FSHR: variants seen among roughly 807,000 people sequenced by gnomAD.
FSHR encodes the protein follicle stimulating hormone receptor, also known as follicle-stimulating hormone receptor.
A neutral mutation model predicts 52.1 loss-of-function variants in FSHR; 46 were observed. The observed-to-expected ratio is 0.88, with a 90% CI of 0.70 to 1.13. FSHR has a LOEUF of 1.13. Ranked by LOEUF, FSHR falls within the 50% of genes most tolerant of loss-of-function variation. The pLI is 0.00. For synonymous variants in FSHR, 399 were observed against 309.6 expected, an observed-to-expected ratio of 1.29 and a Z score of -3.03; for missense variants, 964 against 834.6, an observed-to-expected ratio of 1.16 and a Z score of -1.91.
chr2:49,046,903 T>C (rs1415370364), intron 2 of FSHR, among the ~76,000 whole-genome samples: 1 of 152,180 alleles, frequency 6.6e-6, no homozygotes, highest in East Asian at 1.9e-4. Context: ...CTCCACAAGC[T>C]TCATCCCACA....
At chr2:49,093,772 T>A (rs189647558) in intron 1 of FSHR, among the ~76,000 whole-genome samples, 303 of 152,072 alleles carry the variant, frequency 2.0e-3, no homozygotes, top group Middle Eastern at 6.8e-3. Context: ...TTTTTAAATA[T>A]TTTTAGTAGA....
At chr2:49,078,825 T>C (rs1670052922) in intron 1 of FSHR, among the ~76,000 whole-genome samples, 1 of 152,142 alleles carries the variant, frequency 6.6e-6, no homozygotes, top group East Asian at 1.9e-4. Context: ...ATGATGCTGT[T>C]ACCTCCTCTA....
intron 3 of FSHR, among the ~76,000 whole-genome samples, chr2:49,019,387 C>T (rs1001850616): frequency 7.9e-5 from 12 of 152,122 alleles, no homozygotes; most frequent in Non-Finnish European, 1.8e-4. Flanking sequence ...CTGGCTTTGA[C>T]ATTCTATGAT....
At chr2:49,052,316 C>A (rs891114265) in intron 2 of FSHR, among the ~76,000 whole-genome samples, 1 of 152,112 alleles carries the variant, frequency 6.6e-6, no homozygotes, top group African/African-American at 2.4e-5. Context: ...TCCTGCCAAC[C>A]TCCTCTTTGT....
At chr2:49,053,594 A>G (rs1459549067) in intron 2 of FSHR, among the ~76,000 whole-genome samples, 1 of 152,192 alleles carries the variant, frequency 6.6e-6, no homozygotes, top group Non-Finnish European at 1.5e-5. Context: ...AGCAATGAAG[A>G]ATAGGGAGGT....
At chr2:49,017,694 C>A (rs1256252893) in intron 3 of FSHR, 131 bp from the exon 4 acceptor site, 3 of 721,162 alleles carry the variant, frequency 4.2e-6, no homozygotes, top group Non-Finnish European at 7.5e-6. Flanking sequence ...ATCCATCCAT[C>A]CATCCATCCA....
At chr2:49,085,065 T>C (rs1209525111) in intron 1 of FSHR, among the ~76,000 whole-genome samples, 2 of 152,126 alleles carry the variant, frequency 1.3e-5, no homozygotes, top group Non-Finnish European at 2.9e-5. Context: ...TAGACCAATA[T>C]CTTTGATGAA....
intron 1 of FSHR, among the ~76,000 whole-genome samples, chr2:49,139,149 C>G (rs919755953): frequency 3.9e-5 from 6 of 152,256 alleles, no homozygotes; most frequent in East Asian, 1.9e-4. Context: ...GCAATGTTTT[C>G]TAATTTGAAG....
At chr2:49,132,671 C>T (rs548112488) in intron 1 of FSHR, among the ~76,000 whole-genome samples, 1 of 152,062 alleles carries the variant, frequency 6.6e-6, no homozygotes, top group Non-Finnish European at 1.5e-5. Flanking sequence ...GCTTGCCCAA[C>T]TGTTCTCTTT....
intron 2 of FSHR, 45 bp downstream of exon 2, chr2:49,068,174 A>T: frequency 1.3e-6 from 2 of 1,486,370 alleles, no homozygotes; most frequent in Non-Finnish European, 1.9e-6. Context: ...GTTGCTCCCT[A>T]TAGCCCCCTT....
chr2:49,121,737 C>T (rs76771242), intron 1 of FSHR, among the ~76,000 whole-genome samples: 1,768 of 152,242 alleles, frequency 0.012, 34 homozygotes, highest in African/African-American at 0.036. Flanking sequence ...GAGTTTGTCA[C>T]CCAAAAACTG....
At chr2:49,112,357 A>G (rs1430123761) in intron 1 of FSHR, among the ~76,000 whole-genome samples, 1 of 152,196 alleles carries the variant, frequency 6.6e-6, no homozygotes, top group South Asian at 2.1e-4. Context: ...AATATTTATG[A>G]TGAAACAATA....
intron 1 of FSHR, among the ~76,000 whole-genome samples, chr2:49,138,042 A>G (rs901343758): frequency 2.0e-5 from 3 of 152,202 alleles, no homozygotes; most frequent in Non-Finnish European, 4.4e-5. Context: ...TTTGTAAATT[A>G]TACATGTGAT....
At chr2:48,977,652 C>T (rs566282880) in intron 8 of FSHR, among the ~76,000 whole-genome samples, 2 of 152,268 alleles carry the variant, frequency 1.3e-5, no homozygotes, top group South Asian at 2.1e-4. Context: ...CTGCAGTGCT[C>T]ATTGTACTGG....
chr2:49,078,989 T>TAC (rs573082606), intron 1 of FSHR, among the ~76,000 whole-genome samples: 5 of 152,020 alleles, frequency 3.3e-5, no homozygotes, highest in Admixed American at 6.6e-5. Flanking sequence ...CATCATTGTT[T>TAC]ACACACACAC....
chr2:49,082,019 AG>A (rs1251459664), intron 1 of FSHR, among the ~76,000 whole-genome samples: 1 of 152,198 alleles, frequency 6.6e-6, no homozygotes, highest in Non-Finnish European at 1.5e-5. Flanking sequence ...AGTTAGGCGG[AG>A]GAGCCAAGAT....
intron 1 of FSHR, among the ~76,000 whole-genome samples, chr2:49,114,329 A>T (rs1311738961): frequency 1.3e-5 from 2 of 152,166 alleles, no homozygotes; most frequent in Non-Finnish European, 2.9e-5. Context: ...GTGGATGCAC[A>T]CATTCATTCT....
intron 4 of FSHR, among the ~76,000 whole-genome samples, chr2:49,008,178 T>TA (rs1553435890): frequency 1.2e-5 from 1 of 80,786 alleles, no homozygotes; most frequent in Non-Finnish European, 2.4e-5. Context: ...CCCTCCCCCC[T>TA]CCCCCACCCC....
chr2:49,118,457 G>T (rs1228116166), intron 1 of FSHR, among the ~76,000 whole-genome samples: 1 of 152,218 alleles, frequency 6.6e-6, no homozygotes, highest in East Asian at 1.9e-4. Flanking sequence ...CATGGCAGCA[G>T]TGGGACCGGA....
Sources: gnomAD v4.1 joint callset for allele counts (sites outside exome capture counted in the v4.1 genomes callset) on GRCh38, gnomAD v4.1.1 for gene constraint, MANE v1.5 for transcripts, NCBI Gene and HGNC (gene_info 2026-07-23, HGNC 2026-07-21) for gene names.